Variants in RASSF3 observed in about 807,000 individuals in gnomAD.
The protein encoded by RASSF3 is ras association domain-containing protein 3.
A neutral mutation model predicts 19.9 loss-of-function variants in RASSF3; 19 were observed. The ratio of observed to expected loss-of-function variants is 0.96; its 90% CI spans 0.67 to 1.40. RASSF3 has a LOEUF of 1.40. Among genes scored for constraint, RASSF3 ranks in the 40% most tolerant of loss-of-function variants. RASSF3 has a pLI of 0.00. For missense variants in RASSF3, 306 were observed against 289.8 expected, an observed-to-expected ratio of 1.06 and a Z score of -0.41; for synonymous variants, 110 against 104.2, an observed-to-expected ratio of 1.06 and a Z score of -0.34.
intron 2 of RASSF3, among the ~76,000 whole-genome samples, chr12:64,589,245 T>A (rs1869872376): frequency 6.6e-6 from 1 of 151,600 alleles, no homozygotes; most frequent in Non-Finnish European, 1.5e-5. Flanking sequence ...AGGTCAGGAG[T>A]TCGAGACCAG....
chr12:64,653,407 A>C (rs988822735), intron 1 of RASSF3, among the ~76,000 whole-genome samples: 1 of 152,020 alleles, frequency 6.6e-6, no homozygotes, highest in Non-Finnish European at 1.5e-5. Context: ...TCTTAGGGAC[A>C]TCAGTTATAT....
At chr12:64,616,327 A>G (rs1170357753) in intron 1 of RASSF3, among the ~76,000 whole-genome samples, 3 of 152,208 alleles carry the variant, frequency 2.0e-5, no homozygotes, top group Non-Finnish European at 4.4e-5. Context: ...AAAATATCCA[A>G]TAATGTGGTT....
intron 2 of RASSF3, among the ~76,000 whole-genome samples, chr12:64,600,912 C>A (rs1034615356): frequency 3.9e-5 from 6 of 152,174 alleles, no homozygotes; most frequent in Non-Finnish European, 8.8e-5. Flanking sequence ...CTCCTTTCTT[C>A]AGTCTTCTCT....
intron 1 of RASSF3, among the ~76,000 whole-genome samples, chr12:64,642,559 C>CAAAAAAAAAAAA (rs67771603): frequency 2.3e-5 from 1 of 44,024 alleles, no homozygotes; most frequent in Non-Finnish European, 4.1e-5. Context: ...GACTCCATCT[C>CAAAAAAAAAAAA]AAAAAAAAAA....
chr12:64,559,477 G>GA (rs1304167339), intron 2 of RASSF3, among the ~76,000 whole-genome samples: 1 of 151,888 alleles, frequency 6.6e-6, no homozygotes, highest in African/African-American at 2.4e-5. Context: ...CACCGTGTTA[G>GA]CCAGGATGGT....
upstream of RASSF3, among the ~76,000 whole-genome samples, chr12:64,607,553 C>T (rs1870215857): frequency 1.3e-5 from 2 of 151,744 alleles, no homozygotes; most frequent in Admixed American, 6.6e-5. Context: ...TATATATTTT[C>T]AGTAGAGATG....
chr12:64,685,011 A>T, intron 2 of RASSF3, 117 bp downstream of exon 2: 2 of 649,650 alleles, frequency 3.1e-6, no homozygotes, highest in South Asian at 3.6e-5. Flanking sequence ...GTAGTAGTCA[A>T]GGTATACAGA....
chr12:64,658,287 A>G (rs1287052418), intron 1 of RASSF3, among the ~76,000 whole-genome samples: 2 of 152,122 alleles, frequency 1.3e-5, no homozygotes, highest in African/African-American at 4.8e-5. Flanking sequence ...TGGAATGAAG[A>G]TCCTCCTGGT....
intron 1 of RASSF3, among the ~76,000 whole-genome samples, chr12:64,647,701 G>A (rs562124563): frequency 1.2e-3 from 183 of 151,916 alleles, no homozygotes; most frequent in Non-Finnish European, 2.1e-3. Flanking sequence ...ATGAACCACC[G>A]CGCCCGGCCC....
intron 2 of RASSF3, among the ~76,000 whole-genome samples, chr12:64,561,103 G>C (rs1869340105): frequency 6.6e-6 from 1 of 152,166 alleles, no homozygotes; most frequent in Non-Finnish European, 1.5e-5. Flanking sequence ...AAATGAGATG[G>C]GGGTGGGTCC....
rs1028077579 is a variant in RASSF3, at chr12:64,571,175, C to T, written c.294+29470C>T. 1.4e-4 allele frequency among the ~76,000 whole-genome samples: 21 copies of T among 152,090 alleles called. 1 individual carries two copies. The highest frequency in any genetic ancestry group is 4.3e-4 in the African/African-American group (18 of 41,416). On this transcript the variant is annotated intron_variant, in intron 2 of 5. Coordinates refer to the RASSF3 transcript ENST00000637125. ...ACAGAGAGCCGAGATCGCGCCATTA[C>T]ACTCCAACCTGGGCAACAAGAGCAA...
At chr12:64,586,197 G>A (rs567132821) in intron 2 of RASSF3, among the ~76,000 whole-genome samples, 6 of 151,408 alleles carry the variant, frequency 4.0e-5, no homozygotes, top group Non-Finnish European at 7.4e-5. Flanking sequence ...GGTGGCGGGC[G>A]CCTGTAATCC....
At chr12:64,645,043 A>T (rs1385688960) in intron 1 of RASSF3, among the ~76,000 whole-genome samples, 1 of 152,194 alleles carries the variant, frequency 6.6e-6, no homozygotes, top group East Asian at 1.9e-4. Context: ...CCTTGGTGAC[A>T]GCCTGAGGAC....
At chr12:64,565,044 A>G (rs1869406535) in intron 2 of RASSF3, among the ~76,000 whole-genome samples, 1 of 151,480 alleles carries the variant, frequency 6.6e-6, no homozygotes. Context: ...GCCTCCCAAA[A>G]TGCTAAGATT....
chr12:64,639,127 A>AC (rs1207786334), intron 1 of RASSF3, among the ~76,000 whole-genome samples: 1 of 152,086 alleles, frequency 6.6e-6, no homozygotes, highest in East Asian at 1.9e-4. Context: ...TTAAGAAATT[A>AC]TTTTTTTAAA....
At chr12:64,576,427 A>G (rs1869596990) in intron 2 of RASSF3, among the ~76,000 whole-genome samples, 3 of 152,340 alleles carry the variant, frequency 2.0e-5, no homozygotes, top group South Asian at 2.1e-4. Flanking sequence ...AACTAAAACA[A>G]TAAAGATTCT....
intron 1 of RASSF3, among the ~76,000 whole-genome samples, chr12:64,677,784 G>A (rs955148927): frequency 6.6e-6 from 1 of 152,044 alleles, no homozygotes; most frequent in African/African-American, 2.4e-5. Context: ...ATCACAGGGC[G>A]GTCTCCACTT....
At chr12:64,641,836 G>A (rs1385585668) in intron 1 of RASSF3, among the ~76,000 whole-genome samples, 2 of 150,708 alleles carry the variant, frequency 1.3e-5, no homozygotes, top group East Asian at 2.0e-4. Context: ...TCTGCCTCCC[G>A]GGTTCAAGCG....
At chr12:64,686,578 TC>T (rs1873363571) in intron 2 of RASSF3, among the ~76,000 whole-genome samples, 1 of 151,858 alleles carries the variant, frequency 6.6e-6, no homozygotes, top group Non-Finnish European at 1.5e-5. Flanking sequence ...GCCACTGCAC[TC>T]CAGCCTAGGC....
Sources: allele counts gnomAD v4.1 joint callset (sites outside exome capture counted in the v4.1 genomes callset), GRCh38; gene constraint gnomAD v4.1.1; transcripts MANE v1.5; gene names NCBI Gene and HGNC (gene_info 2026-07-23, HGNC 2026-07-21).